The following OSBPL8 variants were observed in gnomAD, a reference collection of about 807,000 sequenced individuals.
The protein encoded by OSBPL8 is oxysterol binding protein like 8, also known as oxysterol-binding protein-related protein 8.
In OSBPL8, 59 loss-of-function variants were observed where a neutral mutation model predicts 125.5. The ratio of observed to expected loss-of-function variants is 0.47; its 90% CI spans 0.38 to 0.58. The LOEUF is 0.58. OSBPL8 is among the 20% of genes least tolerant of loss of function. OSBPL8 has a pLI of 0.00. For synonymous variants in OSBPL8, 330 were observed against 338.9 expected, an observed-to-expected ratio of 0.97 and a Z score of 0.29; for missense variants, 758 against 1,047.8, an observed-to-expected ratio of 0.72 and a Z score of 3.82.
chr12:76,358,654 G>A (rs900003996), intron 22 of OSBPL8, 52 bp downstream of exon 22: 4 of 1,392,090 alleles, frequency 2.9e-6, no homozygotes, highest in Non-Finnish European at 4.1e-6. Flanking sequence ...ATATCAAATT[G>A]TGTAGTAATT....
chr12:76,407,698 AGTTAT>A (rs745454122), intron 5 of OSBPL8, among the ~76,000 whole-genome samples: 22 of 152,336 alleles, frequency 1.4e-4, no homozygotes, highest in Non-Finnish European at 3.2e-4. Flanking sequence ...TATACCAAAT[AGTTAT>A]GTTAAGAATC....
chr12:76,493,002 ACTT>A (rs1439270461), intron 1 of OSBPL8, among the ~76,000 whole-genome samples: 2 of 152,218 alleles, frequency 1.3e-5, no homozygotes, highest in Non-Finnish European at 2.9e-5. Context: ...TTTAAAATGC[ACTT>A]CTTCCTCTAA....
Position 76,352,772 on chromosome 12 carries a change from T to C in OSBPL8, c.*3117A>G, listed in dbSNP as rs1483583436. 6.6e-6 allele frequency: 1 copy of C among 152,508 alleles called. No individual in the cohort carries two copies. The highest frequency in any genetic ancestry group is 1.5e-5 in the Non-Finnish European group (1 of 67,932). 9.4% of individuals were successfully genotyped at this position (152,508 alleles called of 1,614,324 possible). A position where few individuals can be genotyped will look rare whatever the true frequency, so the allele number is the denominator to read the frequency against. On this transcript the variant is annotated 3_prime_UTR_variant, in exon 24 of 24. Coordinates refer to ENST00000261183, the MANE Select transcript of OSBPL8 (RefSeq NM_020841.5). ...AATTTTATACATTTGTTTTCTTAAA[T>C]TTTGACAGATATTCTTCAGAAAGTT...
At chr12:76,452,358 G>A (rs1873521907) in intron 3 of OSBPL8, among the ~76,000 whole-genome samples, 1 of 152,054 alleles carries the variant, frequency 6.6e-6, no homozygotes, top group Non-Finnish European at 1.5e-5. Flanking sequence ...TTAAAAAAAT[G>A]TATAGACTGA....
chr12:76,493,351 AAT>A (rs1306653268), intron 1 of OSBPL8, among the ~76,000 whole-genome samples: 1 of 152,112 alleles, frequency 6.6e-6, no homozygotes, highest in East Asian at 1.9e-4. Context: ...TCATGTTACT[AAT>A]TAGCACCCTT....
intron 4 of OSBPL8, among the ~76,000 whole-genome samples, chr12:76,447,675 C>G (rs974349222): frequency 3.9e-5 from 6 of 152,100 alleles, no homozygotes; most frequent in Non-Finnish European, 8.8e-5. Context: ...TCTCAAATAG[C>G]TAGGATTACA....
chr12:76,495,184 C>G (rs761727193), intron 1 of OSBPL8, among the ~76,000 whole-genome samples: 14 of 152,152 alleles, frequency 9.2e-5, no homozygotes, highest in Non-Finnish European at 2.1e-4. Context: ...CTAGTATTAC[C>G]TGCCTCAATA....
At chr12:76,376,464 G>T (rs1952822249) in intron 16 of OSBPL8, among the ~76,000 whole-genome samples, 1 of 152,156 alleles carries the variant, frequency 6.6e-6, no homozygotes, top group Non-Finnish European at 1.5e-5. Context: ...CATACAGGGT[G>T]AAACATCTTA....
At chr12:76,367,191 T>C (rs1952449068) in intron 21 of OSBPL8, among the ~76,000 whole-genome samples, 1 of 152,098 alleles carries the variant, frequency 6.6e-6, no homozygotes, top group Non-Finnish European at 1.5e-5. Context: ...CTTCCAATTC[T>C]GTCAGTTTGC....
intron 1 of OSBPL8, among the ~76,000 whole-genome samples, chr12:76,508,960 T>C (rs990324865): frequency 1.3e-5 from 2 of 152,188 alleles, no homozygotes; most frequent in Non-Finnish European, 2.9e-5. Flanking sequence ...GGAGTAGACA[T>C]TCTTTATTCC....
intron 1 of OSBPL8, among the ~76,000 whole-genome samples, chr12:76,558,921 A>G (rs960922985): frequency 6.6e-6 from 1 of 152,180 alleles, no homozygotes; most frequent in African/African-American, 2.4e-5. Context: ...GCTTAGAGGA[A>G]CAACACCGTG....
chr12:76,531,813 A>G (rs1038782923), intron 1 of OSBPL8, among the ~76,000 whole-genome samples: 1 of 152,114 alleles, frequency 6.6e-6, no homozygotes, highest in Non-Finnish European at 1.5e-5. Flanking sequence ...CGAGGCAGGC[A>G]GATCACGAGG....
chr12:76,483,242 C>A (rs1055893855), intron 2 of OSBPL8, among the ~76,000 whole-genome samples: 1 of 151,928 alleles, frequency 6.6e-6, no homozygotes, highest in Non-Finnish European at 1.5e-5. Context: ...GCCTGGGTGA[C>A]AGAGCGAGAC....
At position 76,427,458 on chromosome 12, in the gene OSBPL8, T is replaced by C. The variant is rs142053972; in HGVS notation, c.218-16824A>G. On this transcript the variant is annotated intron_variant, in intron 4 of 23. Transcript: ENST00000261183. ...ATCTATAATTAAAAGAAAACCACTA[T>C]ATTACAATAATCTGAAGACAAGATG... Among the ~76,000 whole-genome samples, 8 of 151,990 alleles carry C rather than the reference T, an allele frequency of 5.3e-5. No homozygotes were observed. In the East Asian group the frequency reaches 1.2e-3, roughly 22 times the overall value.
chr12:76,447,630 G>A (rs2136703860), intron 4 of OSBPL8, among the ~76,000 whole-genome samples: 1 of 151,764 alleles, frequency 6.6e-6, no homozygotes, highest in African/African-American at 2.4e-5. Context: ...TGCAACCTCT[G>A]CCTCCCAGGT....
At chr12:76,382,497 T>C (rs1953104666) in intron 15 of OSBPL8, among the ~76,000 whole-genome samples, 1 of 152,170 alleles carries the variant, frequency 6.6e-6, no homozygotes, top group Admixed American at 6.5e-5. Flanking sequence ...CTACTGGATC[T>C]CCCAACTGTG....
chr12:76,434,201 C>A (rs186666009), intron 4 of OSBPL8, among the ~76,000 whole-genome samples: 1 of 152,188 alleles, frequency 6.6e-6, no homozygotes, highest in Non-Finnish European at 1.5e-5. Context: ...AATAAGCCCA[C>A]ACATTATGGT....
chr12:76,483,843 T>A (rs1314655960), intron 2 of OSBPL8, among the ~76,000 whole-genome samples: 1 of 151,668 alleles, frequency 6.6e-6, no homozygotes, highest in East Asian at 2.0e-4. Flanking sequence ...CCTGGCTAAT[T>A]TTTGTATTTT....
chr12:76,368,099 G>T (rs1952487209), intron 21 of OSBPL8, among the ~76,000 whole-genome samples: 1 of 152,098 alleles, frequency 6.6e-6, no homozygotes, highest in Non-Finnish European at 1.5e-5. Context: ...TGTAGGGCAG[G>T]TCTAGTGGTA....
Sources: allele counts gnomAD v4.1 joint callset (sites outside exome capture counted in the v4.1 genomes callset), GRCh38; gene constraint gnomAD v4.1.1; transcripts MANE v1.5; gene names NCBI Gene and HGNC (gene_info 2026-07-23, HGNC 2026-07-21).